SP140L: variants seen among roughly 807,000 people sequenced by gnomAD.
The protein encoded by SP140L is SP140 like nuclear body protein.
SP140L carries 64 observed loss-of-function variants against 84.3 expected under a neutral mutation model. The observed-to-expected ratio is 0.76, with a 90% confidence interval of 0.62 to 0.94. The LOEUF (loss-of-function observed/expected upper bound fraction) is 0.94, where lower values mean the gene tolerates loss of function less well. Ranked by LOEUF, SP140L falls within the 40% of genes least tolerant of loss-of-function variation. The pLI is 0.00. For synonymous variants in SP140L, 242 were observed against 236.9 expected (o/e 1.02, Z -0.20); for missense variants, 628 against 692.5 (o/e 0.91, Z 1.05).
chr2:230,399,306 C>G (rs757002731), intron 14 of SP140L, among the ~76,000 whole-genome samples: 2 of 152,198 alleles, frequency 1.3e-5, no homozygotes, highest in African/African-American at 4.8e-5. Context: ...TGCTAAAGGT[C>G]TCACATATTG....
At chr2:230,357,029 A>G (rs1474654319) in intron 2 of SP140L, among the ~76,000 whole-genome samples, 3 of 152,214 alleles carry the variant, frequency 2.0e-5, no homozygotes, top group Non-Finnish European at 4.4e-5. Context: ...ACATTTAGGA[A>G]TACTGAGATG....
At chr2:230,336,587 TG>T (rs1205970614) in intron 2 of SP140L, among the ~76,000 whole-genome samples, 1 of 152,228 alleles carries the variant, frequency 6.6e-6, no homozygotes, top group Non-Finnish European at 1.5e-5. Flanking sequence ...TTTAATGTAC[TG>T]AAACAAGTTA....
chr2:230,342,816 T>A (rs2060096914), intron 2 of SP140L, among the ~76,000 whole-genome samples: 1 of 149,132 alleles, frequency 6.7e-6, no homozygotes, highest in South Asian at 2.1e-4. Flanking sequence ...TTATCCTTTT[T>A]TTTAAAATCT....
intron 10 of SP140L, among the ~76,000 whole-genome samples, chr2:230,389,083 C>A (rs995832558): frequency 6.6e-6 from 1 of 152,172 alleles, no homozygotes; most frequent in Non-Finnish European, 1.5e-5. Context: ...GACCACTTGG[C>A]CTTCTTTGCC....
chr2:230,390,027 G>A lies in SP140L; in HGVS notation c.964+4G>A, dbSNP rs757749363. 5.6e-6 allele frequency: 9 copies of A among 1,609,152 alleles called. 1 individual carries two copies. In the South Asian group the frequency reaches 8.8e-5, roughly 16 times the overall value. On this transcript the variant is annotated splice_donor_region_variant and intron_variant, in intron 11 of 18. Transcript: ENST00000415673. ...CATAAGGAGAAATTGGAACAAGGTG[G>A]GTTTCATAGTCTTCTTTAATTTGCA...
chr2:230,369,350 T>C (rs1329903429), intron 5 of SP140L, among the ~76,000 whole-genome samples: 2 of 151,868 alleles, frequency 1.3e-5, no homozygotes, highest in African/African-American at 4.8e-5. Flanking sequence ...GAGCCACTGG[T>C]AGTAGTCTGG....
At chr2:230,388,850 G>GTCT in intron 10 of SP140L, 2 of 410,244 alleles carry the variant, frequency 4.9e-6, no homozygotes, top group Non-Finnish European at 8.8e-6. Context: ...GGGCCCCAGG[G>GTCT]GGTCACTAAA....
intron 12 of SP140L, among the ~76,000 whole-genome samples, 195 bp downstream of exon 12, chr2:230,392,424 G>A (rs1360384548): frequency 6.6e-6 from 1 of 152,068 alleles, no homozygotes; most frequent in Non-Finnish European, 1.5e-5. Context: ...TTGTACCAGG[G>A]GCTCCATCAG....
At chr2:230,333,058 C>T (rs938141401) in intron 2 of SP140L, among the ~76,000 whole-genome samples, 1 of 152,072 alleles carries the variant, frequency 6.6e-6, no homozygotes, top group African/African-American at 2.4e-5. Context: ...TTAAACCTCA[C>T]AACTGTATGA....
intron 2 of SP140L, among the ~76,000 whole-genome samples, chr2:230,354,817 A>G (rs2060468250): frequency 7.0e-6 from 1 of 143,338 alleles, no homozygotes; most frequent in Admixed American, 7.5e-5. Context: ...GAGAGAAAGA[A>G]AAAGAAAGAA....
chr2:230,394,988 T>C (rs1463683022), intron 13 of SP140L, among the ~76,000 whole-genome samples: 1 of 123,322 alleles, frequency 8.1e-6, no homozygotes, highest in African/African-American at 2.8e-5. Flanking sequence ...GAGACTCCAG[T>C]AATTTTTTTT....
intron 2 of SP140L, among the ~76,000 whole-genome samples, chr2:230,343,428 G>A (rs1449371077): frequency 6.8e-6 from 1 of 147,686 alleles, no homozygotes; most frequent in African/African-American, 2.5e-5. Flanking sequence ...CCTATTTATG[G>A]GTGCATAGTA....
At chr2:230,339,975 G>T (rs1255478940) in intron 2 of SP140L, among the ~76,000 whole-genome samples, 1 of 150,758 alleles carries the variant, frequency 6.6e-6, no homozygotes, top group African/African-American at 2.5e-5. Context: ...CTGTTGATTT[G>T]GGGTGGAGAG....
chr2:230,399,992 T>C (rs1233545302), intron 14 of SP140L, 135 bp from the exon 15 acceptor site: 1 of 783,678 alleles, frequency 1.3e-6, no homozygotes, highest in Non-Finnish European at 2.0e-6. Context: ...GCCATATTTT[T>C]CCTTCATATC....
At chr2:230,350,797 C>T (rs1451847605) in intron 2 of SP140L, among the ~76,000 whole-genome samples, 1 of 152,064 alleles carries the variant, frequency 6.6e-6, no homozygotes, top group Non-Finnish European at 1.5e-5. Flanking sequence ...CAAAGAAAAT[C>T]TCATTGAGAA....
intron 5 of SP140L, among the ~76,000 whole-genome samples, chr2:230,370,068 T>G (rs770930267): frequency 2.5e-4 from 38 of 152,264 alleles, no homozygotes; most frequent in African/African-American, 8.7e-4. Context: ...CACCGCACCC[T>G]GCCACTTCTT....
intron 4 of SP140L, among the ~76,000 whole-genome samples, chr2:230,359,896 G>C (rs1032138144): frequency 7.5e-6 from 1 of 132,552 alleles, no homozygotes; most frequent in Non-Finnish European, 1.7e-5. Context: ...TCACAAAACT[G>C]ATTGCTCGGA....
chr2:230,372,361 GA>G (rs2061105159), intron 7 of SP140L: 1 of 151,992 alleles, frequency 6.6e-6, no homozygotes, highest in African/African-American at 2.4e-5. Context: ...AGAGTGATAG[GA>G]AAATCCTAGA....
At chr2:230,368,348 A>T (rs1183488577) in intron 5 of SP140L, among the ~76,000 whole-genome samples, 2 of 152,070 alleles carry the variant, frequency 1.3e-5, no homozygotes, top group African/African-American at 4.8e-5. Flanking sequence ...TGCTATCTTT[A>T]TTGAAACTCC....
Sources: allele counts gnomAD v4.1 joint callset (sites outside exome capture counted in the v4.1 genomes callset), GRCh38; gene constraint gnomAD v4.1.1; transcripts MANE v1.5; gene names NCBI Gene and HGNC (gene_info 2026-07-23, HGNC 2026-07-21).